The following IFT122 variants were observed in gnomAD, a reference collection of about 807,000 sequenced individuals.
IFT122 encodes the protein intraflagellar transport protein 122 homolog.
A neutral mutation model predicts 161.6 loss-of-function variants in IFT122; 118 were observed. That is an observed-to-expected ratio of 0.73 (90% CI 0.63 to 0.85). The LOEUF is 0.85. IFT122 is among the 40% of genes least tolerant of loss of function. IFT122 has a pLI of 0.00. For synonymous variants in IFT122, 550 were observed against 602.4 expected, an observed-to-expected ratio of 0.91 and a Z score of 1.27; for missense variants, 1,381 against 1,579.6, an observed-to-expected ratio of 0.87 and a Z score of 2.13.
intron 20 of IFT122, among the ~76,000 whole-genome samples, chr3:129,503,517 C>G (rs1248156338): frequency 2.0e-5 from 3 of 152,236 alleles, no homozygotes; most frequent in Non-Finnish European, 4.4e-5. Context: ...CTCCCTGTTC[C>G]CTGCAGAGAA....
intron 23 of IFT122, among the ~76,000 whole-genome samples, chr3:129,510,121 C>A (rs1366617467): frequency 6.6e-6 from 1 of 152,178 alleles, no homozygotes; most frequent in Non-Finnish European, 1.5e-5. Context: ...AGTGCAGTGT[C>A]ATGATCATAG....
At chr3:129,514,637 T>C in intron 25 of IFT122, 83 bp downstream of exon 25, 1 of 1,509,622 alleles carries the variant, frequency 6.6e-7, no homozygotes, top group African/African-American at 1.4e-5. Context: ...CTGGGTTCCG[T>C]TTGAAGAGAG....
chr3:129,471,702 C>T (rs1016455104), intron 9 of IFT122, among the ~76,000 whole-genome samples: 9 of 152,150 alleles, frequency 5.9e-5, no homozygotes, highest in Non-Finnish European at 1.0e-4. Flanking sequence ...AAATTGTTTT[C>T]TTGCTGGGTG....
At chr3:129,452,760 A>G (rs2075002165) in intron 3 of IFT122, among the ~76,000 whole-genome samples, 1 of 152,216 alleles carries the variant, frequency 6.6e-6, no homozygotes, top group African/African-American at 2.4e-5. Context: ...TTGTATTTTA[A>G]AAGGATCCCT....
chr3:129,472,788 G>C lies in IFT122; in HGVS notation c.816+3371G>C, dbSNP rs1012556931. ...TTTTTAAATCCCTTCTTTTCCCTCTGATCTTCAGATTAGAGGATTTCTGTT... is the reference window on the plus strand; with the variant it reads ...TTTTTAAATCCCTTCTTTTCCCTCTCATCTTCAGATTAGAGGATTTCTGTT... On this transcript the variant is annotated intron_variant, in intron 9 of 29. Transcript: ENST00000348417. Among the ~76,000 whole-genome samples the C allele has an allele frequency of 3.3e-5, 5 of 151,896 alleles. No homozygotes were observed. In the South Asian group the frequency reaches 1.0e-3, roughly 32 times the overall value.
intron 3 of IFT122, among the ~76,000 whole-genome samples, chr3:129,455,900 AGG>A (rs2075420271): frequency 1.1e-5 from 1 of 89,736 alleles, no homozygotes; most frequent in South Asian, 4.7e-4. Context: ...GAATAGGCTG[AGG>A]AGGAGGAGGA....
chr3:129,481,835 C>A, intron 14 of IFT122, 141 bp downstream of exon 14: 1 of 850,866 alleles, frequency 1.2e-6, no homozygotes, highest in Non-Finnish European at 1.9e-6. Context: ...TGCACAGAGT[C>A]CCAGAGGCCC....
intron 4 of IFT122, 117 bp from the exon 5 acceptor site, chr3:129,461,111 C>CAGA (rs1224838646): frequency 8.2e-6 from 8 of 970,558 alleles, no homozygotes; most frequent in African/African-American, 1.6e-5. Flanking sequence ...TGGTCACTTG[C>CAGA]AGAAGAGCAT....
At chr3:129,451,495 A>G (rs1167637672) in intron 2 of IFT122, among the ~76,000 whole-genome samples, 2 of 152,180 alleles carry the variant, frequency 1.3e-5, no homozygotes, top group East Asian at 3.8e-4. Context: ...TCTTGGTAGC[A>G]AATATGAAAC....
In IFT122 at chr3:129,469,358, A is replaced by G. The variant is rs752373667; in HGVS notation, c.757A>G (p.Ile253Val). ...RDDNLEERND[I>V]LAVADWGQKV... The stretch of plus-strand genomic sequence containing the variant: ...GTTGATTAGAGAGGAACGTAATGAC[A>G]TCCTGGCTGTGGCTGACTGGGGACA... The change falls in exon 9 of 30, where the codon ATC becomes GTC. Residue 253 changes from isoleucine to valine, a missense_variant. By Grantham distance (29) the Ile-to-Val change is conservative (BLOSUM62 3). This residue lies in a region of IFT122 where 544 missense variants were observed against 648.0 expected (regional missense o/e 0.84). Transcript: ENST00000348417. 4.0e-5 allele frequency: 64 copies of G among 1,613,934 alleles called. No homozygotes were observed. The highest frequency in any genetic ancestry group is 2.7e-5 in the Non-Finnish European group (32 of 1,179,934).
intron 23 of IFT122, among the ~76,000 whole-genome samples, chr3:129,508,709 TTC>T (rs752408411): frequency 5.3e-5 from 8 of 152,228 alleles, no homozygotes; most frequent in Non-Finnish European, 1.2e-4. Flanking sequence ...GGAAAGCATT[TTC>T]TGCATCCTGC....
intron 3 of IFT122, chr3:129,456,334 T>A: frequency 8.8e-7 from 1 of 1,132,478 alleles, no homozygotes; most frequent in Non-Finnish European, 1.1e-6. Context: ...TATCTACTAT[T>A]TCAGCTACTG....
intron 7 of IFT122, 87 bp downstream of exon 7, chr3:129,464,868 G>A (rs763857485): frequency 4.9e-6 from 7 of 1,429,306 alleles, no homozygotes; most frequent in East Asian, 2.3e-5. Flanking sequence ...ACATTCAAAG[G>A]CTTCTCACCT....
At chr3:129,467,167 G>A in intron 8 of IFT122, 101 bp downstream of exon 8, 1 of 1,095,790 alleles carries the variant, frequency 9.1e-7, no homozygotes, top group Non-Finnish European at 1.3e-6. Context: ...GGGAGTGCAG[G>A]GACTAGGGGG....
chr3:129,481,110 T>C (rs1355771367), intron 13 of IFT122, among the ~76,000 whole-genome samples: 1 of 152,218 alleles, frequency 6.6e-6, no homozygotes, highest in African/African-American at 2.4e-5. Flanking sequence ...ATGATAGCTA[T>C]CATGATCACT....
intron 24 of IFT122, chr3:129,513,127 C>G (rs1166238933): frequency 6.5e-6 from 1 of 154,376 alleles, no homozygotes; most frequent in Non-Finnish European, 1.4e-5. Flanking sequence ...GAGAGCCTAC[C>G]TTTGGGTTTT....
Position 129,440,319 on chromosome 3 carries a change from A to G in IFT122, c.-12A>G. 2.6e-6 allele frequency: 4 copies of G among 1,550,820 alleles called. No homozygotes were observed. The highest frequency in any genetic ancestry group is 3.5e-6 in the Non-Finnish European group (4 of 1,146,844). On this transcript the variant is annotated 5_prime_UTR_variant, in exon 1 of 30. Coordinates refer to ENST00000348417, the MANE Select transcript of IFT122 (RefSeq NM_052989.3). ...GCGGGTAGGAGGAGCCCGAGCCGTA[A>G]GGGAAGCCGTGATGAGGGCCGTGTT...
Position 129,495,577 on chromosome 3 carries a change from C to T in IFT122, c.2178C>T (p.Tyr726=). ...ACGAGAACCTCGCGCTTGAAATGTA[C>T]ACCGACCTCTGCATGTTTGAGTATG... is the stretch of plus-strand genomic sequence containing the variant. The part of the protein sequence containing the change: ...SGHENLALEM[Y]TDLCMFEYAK... The change falls in exon 18 of 30, where the codon TAC becomes TAT. Residue 726 remains tyrosine (Y), a synonymous_variant. Transcript: ENST00000348417. 1 of 1,614,194 alleles carries T rather than the reference C, an allele frequency of 6.2e-7. No individual in the cohort carries two copies. Among genetic ancestry groups the T allele is most frequent in the Non-Finnish European group, 8.5e-7 (1 of 1,180,036 alleles).
Position 129,482,506 on chromosome 3 carries a change from C to T in IFT122, c.1653+812C>T, listed in dbSNP as rs114750085. The stretch of plus-strand genomic sequence containing the variant: ...CAGATTCAGTCCCCTTACCAGGCTC[C>T]TCCTTGTTCTCAGCAGCAGAATCGA... On this transcript the variant is annotated intron_variant, in intron 14 of 29. Coordinates refer to ENST00000348417, the MANE Select transcript of IFT122 (RefSeq NM_052989.3). 6.4e-3 allele frequency among the ~76,000 whole-genome samples: 970 copies of T among 152,248 alleles called. 13 individuals are homozygous for T. The highest frequency in any genetic ancestry group is 0.02 in the African/African-American group (845 of 41,534).
Sources: allele counts gnomAD v4.1 joint callset (sites outside exome capture counted in the v4.1 genomes callset), GRCh38; gene constraint gnomAD v4.1.1; regional missense constraint gnomAD v4.1.1; transcripts MANE v1.5; gene names NCBI Gene and HGNC (gene_info 2026-07-23, HGNC 2026-07-21).